Variants in RNF13 observed in about 807,000 individuals in gnomAD.
RNF13 encodes ring finger protein 13.
Under a neutral mutation model 37.7 loss-of-function variants are expected in RNF13, and 19 were observed. The ratio of observed to expected loss-of-function variants is 0.50; its 90% CI spans 0.35 to 0.74. The LOEUF (loss-of-function observed/expected upper bound fraction) is 0.74, where lower values mean the gene tolerates loss of function less well. RNF13 is among the 30% of genes least tolerant of loss of function. The pLI is 0.01. For missense variants in RNF13, 375 were observed against 453.0 expected (o/e 0.83, Z 1.56); for synonymous variants, 144 against 157.8 (o/e 0.91, Z 0.65).
intron 4 of RNF13, among the ~76,000 whole-genome samples, chr3:149,889,084 G>A (rs1156262451): frequency 6.6e-6 from 1 of 151,554 alleles, no homozygotes; most frequent in Non-Finnish European, 1.5e-5. Context: ...GACTACAGGT[G>A]TGTGCCACCA....
chr3:149,904,084 G>A (rs2108505692), intron 6 of RNF13, among the ~76,000 whole-genome samples: 1 of 152,080 alleles, frequency 6.6e-6, no homozygotes, highest in East Asian at 1.9e-4. Flanking sequence ...CTTTCAGTGG[G>A]CAGAACTAGG....
rs763122210 is a variant in RNF13, at chr3:149,852,503, AT to A, written c.115-9del. ...ATTGGTCTTAACTTGAATATTTAAA[AT>A]TTTATTTTTAGTATAACTTTGAAAA... On this transcript the variant is annotated splice_polypyrimidine_tract_variant and intron_variant, in intron 2 of 9. Transcript: ENST00000392894. 2.8e-6 allele frequency: 4 copies of A among 1,403,760 alleles called. No homozygotes were observed. The East Asian group carries it at 9.9e-5, about 35-fold the overall frequency. 87.0% of individuals were successfully genotyped at this position (1,403,760 alleles called of 1,614,324 possible). A position where few individuals can be genotyped will look rare whatever the true frequency, so the allele number is the denominator to read the frequency against.
intron 3 of RNF13, among the ~76,000 whole-genome samples, chr3:149,855,345 T>G (rs1723540634): frequency 6.6e-6 from 1 of 151,034 alleles, no homozygotes. Flanking sequence ...AAATAACTAC[T>G]CTGCAGTTTG....
At chr3:149,871,491 C>G (rs1712054234) in intron 3 of RNF13, among the ~76,000 whole-genome samples, 1 of 150,596 alleles carries the variant, frequency 6.6e-6, no homozygotes, top group Non-Finnish European at 1.5e-5. Context: ...GCATTATTTT[C>G]CTATTGTATA....
At chr3:149,824,389 T>G (rs1720275700) in intron 1 of RNF13, among the ~76,000 whole-genome samples, 1 of 152,180 alleles carries the variant, frequency 6.6e-6, no homozygotes, top group African/African-American at 2.4e-5. Flanking sequence ...TAATCACAAG[T>G]GTCCTTAAAA....
intron 4 of RNF13, among the ~76,000 whole-genome samples, chr3:149,880,233 C>T (rs1713230015): frequency 6.6e-6 from 1 of 152,070 alleles, no homozygotes. Flanking sequence ...ATTCTAAAGC[C>T]TTTATTTTCA....
intron 4 of RNF13, among the ~76,000 whole-genome samples, chr3:149,885,414 A>G (rs1713914415): frequency 6.6e-6 from 1 of 152,086 alleles, no homozygotes; most frequent in Admixed American, 6.5e-5. Flanking sequence ...TTTTTTGGAT[A>G]AAAGCATTTC....
At chr3:149,958,482 T>C (rs1000962047) in intron 8 of RNF13, among the ~76,000 whole-genome samples, 1 of 152,184 alleles carries the variant, frequency 6.6e-6, no homozygotes, top group South Asian at 2.1e-4. Context: ...TGTGATCACA[T>C]TGAGCTCACA....
intron 1 of RNF13, among the ~76,000 whole-genome samples, chr3:149,825,058 A>G (rs1469671364): frequency 6.6e-6 from 1 of 151,462 alleles, no homozygotes; most frequent in Non-Finnish European, 1.5e-5. Context: ...TCCTGGGCTC[A>G]AGCAATCCTT....
At chr3:149,918,391 AT>A (rs1717768333) in intron 7 of RNF13, among the ~76,000 whole-genome samples, 1 of 152,064 alleles carries the variant, frequency 6.6e-6, no homozygotes, top group Admixed American at 6.6e-5. Flanking sequence ...GTATTTCACT[AT>A]TTTGTTTCTA....
chr3:149,858,393 A>AT (rs892618131), intron 3 of RNF13, among the ~76,000 whole-genome samples: 73 of 152,364 alleles, frequency 4.8e-4, no homozygotes, highest in African/African-American at 1.8e-3. Flanking sequence ...TCTCAGGAGA[A>AT]CAAGCTTCTC....
intron 3 of RNF13, among the ~76,000 whole-genome samples, chr3:149,862,988 C>T (rs954648038): frequency 1.1e-4 from 16 of 152,168 alleles, no homozygotes; most frequent in African/African-American, 3.9e-4. Flanking sequence ...GAGTAATCGT[C>T]ACCTTTGAAA....
At chr3:149,884,184 TTGTATTGTCATA>T (rs1713750051) in intron 4 of RNF13, among the ~76,000 whole-genome samples, 1 of 152,176 alleles carries the variant, frequency 6.6e-6, no homozygotes, top group African/African-American at 2.4e-5. Context: ...GGACATAGTG[TTGTATTGTCATA>T]TGTCTTGGTC....
chr3:149,885,287 T>TC (rs762919025), intron 4 of RNF13, among the ~76,000 whole-genome samples: 1 of 152,146 alleles, frequency 6.6e-6, no homozygotes, highest in Non-Finnish European at 1.5e-5. Context: ...TATTTTTAGT[T>TC]TTTTTGAGGA....
chr3:149,924,652 C>CA (rs1234223650), intron 8 of RNF13, among the ~76,000 whole-genome samples: 2 of 152,046 alleles, frequency 1.3e-5, no homozygotes, highest in African/African-American at 4.8e-5. Flanking sequence ...GAGCAGTTGA[C>CA]AGAGTGGTCA....
chr3:149,846,560 C>A (rs1490061848), intron 2 of RNF13, among the ~76,000 whole-genome samples: 1 of 152,198 alleles, frequency 6.6e-6, no homozygotes, highest in Non-Finnish European at 1.5e-5. Flanking sequence ...CCCGCCTTGG[C>A]CTCCCAAAGT....
rs932421013 is a variant in RNF13, at chr3:149,926,890, A to G, written c.700+5663A>G. 3.9e-5 allele frequency among the ~76,000 whole-genome samples: 6 copies of G among 152,144 alleles called. No individual in the cohort carries two copies. The South Asian group carries it at 8.3e-4, about 21-fold the overall frequency. Reference sequence around the variant, plus strand: ...AGTCTTCCCACTTTGTTTTTTTTCAATAGTGTTTACCTATGTTTAACACTT... The same window carrying G: ...AGTCTTCCCACTTTGTTTTTTTTCAGTAGTGTTTACCTATGTTTAACACTT... On this transcript the variant is annotated intron_variant, in intron 8 of 9. Transcript: ENST00000392894.
chr3:149,955,121 A>AT (rs1424223439), intron 8 of RNF13, among the ~76,000 whole-genome samples: 1 of 152,130 alleles, frequency 6.6e-6, no homozygotes, highest in Non-Finnish European at 1.5e-5. Flanking sequence ...GTTACCAGGC[A>AT]TTTTTCCTTT....
intron 4 of RNF13, among the ~76,000 whole-genome samples, chr3:149,887,007 A>G (rs1296678047): frequency 3.3e-5 from 5 of 152,136 alleles, no homozygotes; most frequent in Admixed American, 1.3e-4. Context: ...TCATTCCACT[A>G]TGATCGGAGA....
Sources: allele counts gnomAD v4.1 joint callset (sites outside exome capture counted in the v4.1 genomes callset), GRCh38; gene constraint gnomAD v4.1.1; transcripts MANE v1.5; gene names NCBI Gene and HGNC (gene_info 2026-07-23, HGNC 2026-07-21).